CDH13: variants seen among roughly 807,000 people sequenced by gnomAD.
CDH13 encodes the protein cadherin-13.
Under a neutral mutation model 63.8 loss-of-function variants are expected in CDH13, and 24 were observed. The observed-to-expected ratio is 0.38, with a 90% CI of 0.27 to 0.53. The LOEUF is 0.53. CDH13 is among the 20% of genes least tolerant of loss of function. The pLI, the probability that CDH13 is intolerant of heterozygous loss-of-function variation, is 0.85. For missense variants in CDH13, 1,049 were observed against 903.1 expected (o/e 1.16, Z -2.07); for synonymous variants, 503 against 355.3 (o/e 1.42, Z -4.67).
chr16:82,843,876 A>G (rs1337747992), intron 1 of CDH13, among the ~76,000 whole-genome samples: 1 of 152,212 alleles, frequency 6.6e-6, no homozygotes, highest in African/African-American at 2.4e-5. Flanking sequence ...CTCTGTGACT[A>G]TGCACCATCA....
chr16:83,124,810 G>A (rs762536090), intron 3 of CDH13, among the ~76,000 whole-genome samples: 21 of 151,998 alleles, frequency 1.4e-4, no homozygotes, highest in Non-Finnish European at 2.8e-4. Context: ...TATTTTTGCC[G>A]ACTTTCTTGA....
intron 6 of CDH13, among the ~76,000 whole-genome samples, chr16:83,426,051 C>G (rs1166340605): frequency 6.6e-5 from 10 of 152,176 alleles, no homozygotes; most frequent in Admixed American, 5.9e-4. Context: ...ATCCTCCCAA[C>G]TTCTTAACTC....
chr16:83,378,257 A>G (rs2091492587), intron 6 of CDH13, among the ~76,000 whole-genome samples: 1 of 152,174 alleles, frequency 6.6e-6, no homozygotes, highest in Non-Finnish European at 1.5e-5. Flanking sequence ...GAGAATCTTG[A>G]TGCCTTGCCC....
At chr16:83,771,884 C>T (rs1014027511) in intron 11 of CDH13, among the ~76,000 whole-genome samples, 1 of 152,170 alleles carries the variant, frequency 6.6e-6, no homozygotes, top group Non-Finnish European at 1.5e-5. Context: ...AAAATATCTC[C>T]TTACATCCCA....
chr16:82,852,873 T>C (rs557750276), intron 1 of CDH13, among the ~76,000 whole-genome samples: 3 of 152,256 alleles, frequency 2.0e-5, no homozygotes, highest in East Asian at 3.9e-4. Flanking sequence ...ATGCTGCCAG[T>C]TGGCAACCTA....
chr16:83,362,767 A>G (rs1376385829), intron 6 of CDH13, among the ~76,000 whole-genome samples: 1 of 152,168 alleles, frequency 6.6e-6, no homozygotes, highest in Non-Finnish European at 1.5e-5. Context: ...CTCTATGATA[A>G]GGCACTTTTA....
chr16:83,209,077 G>T (rs1314643405), intron 4 of CDH13, among the ~76,000 whole-genome samples: 1 of 152,146 alleles, frequency 6.6e-6, no homozygotes, highest in Non-Finnish European at 1.5e-5. Context: ...CCAAAGAGGA[G>T]ACCTGGAGCC....
Position 83,400,876 on chromosome 16 carries a change from T to A in CDH13, c.781+55870T>A, listed in dbSNP as rs369234342. Among the ~76,000 whole-genome samples the A allele has an allele frequency of 7.2e-5, 11 of 152,260 alleles. 2 individuals are homozygous for A. The highest frequency in any genetic ancestry group is 3.3e-4 in the Admixed American group (5 of 15,308). On this transcript the variant is annotated intron_variant, in intron 6 of 13. Coordinates refer to ENST00000567109, the MANE Select transcript of CDH13 (RefSeq NM_001257.5). ...TTTAAAATTCGGTCCTGTAAGCCAG[T>A]CTGTTAGTATCATTGCTCCTACTAA... is the stretch of plus-strand genomic sequence containing the variant.
At chr16:83,569,540 AT>A (rs1018660883) in intron 7 of CDH13, among the ~76,000 whole-genome samples, 15 of 152,232 alleles carry the variant, frequency 9.9e-5, no homozygotes, top group African/African-American at 3.1e-4. Context: ...ACATTTTTCT[AT>A]TTTTTTCTAA....
At chr16:83,171,672 T>A (rs1039116594) in intron 4 of CDH13, 3 of 932,144 alleles carry the variant, frequency 3.2e-6, no homozygotes, top group African/African-American at 1.6e-5. Context: ...ACACTGCAAA[T>A]AGCATGCTCT....
At chr16:83,488,256 A>T (rs752585566) in intron 7 of CDH13, among the ~76,000 whole-genome samples, 1 of 152,224 alleles carries the variant, frequency 6.6e-6, no homozygotes, top group Non-Finnish European at 1.5e-5. Flanking sequence ...CTGGGCAACA[A>T]TGGCCTAGAC....
intron 7 of CDH13, among the ~76,000 whole-genome samples, chr16:83,512,760 G>A (rs117210749): frequency 0.029 from 4,439 of 152,104 alleles, 102 homozygotes; most frequent in Middle Eastern, 0.041. Flanking sequence ...CAGGGGCACC[G>A]ATCTAGACCA....
chr16:83,491,048 A>G (rs1292112479), intron 7 of CDH13, among the ~76,000 whole-genome samples: 4 of 152,238 alleles, frequency 2.6e-5, no homozygotes, highest in African/African-American at 9.6e-5. Context: ...ATTATCTCAG[A>G]ACATTCTGCA....
At chr16:83,202,288 GC>G (rs1324708486) in intron 4 of CDH13, among the ~76,000 whole-genome samples, 1 of 152,180 alleles carries the variant, frequency 6.6e-6, no homozygotes, top group Admixed American at 6.5e-5. Flanking sequence ...GAAAACGGCT[GC>G]AAAATAGGAT....
chr16:83,245,776 C>A (rs1904929140), intron 5 of CDH13, among the ~76,000 whole-genome samples: 1 of 151,936 alleles, frequency 6.6e-6, no homozygotes, highest in South Asian at 2.1e-4. Flanking sequence ...AGGGTCTCAC[C>A]CTGTCTCCCA....
At chr16:82,717,186 C>CA (rs1262663221) in intron 1 of CDH13, among the ~76,000 whole-genome samples, 1 of 152,094 alleles carries the variant, frequency 6.6e-6, no homozygotes, top group Admixed American at 6.5e-5. Context: ...CCTGGCCCAA[C>CA]AAGGCTCCTG....
intron 5 of CDH13, among the ~76,000 whole-genome samples, chr16:83,270,194 G>A (rs954193319): frequency 6.6e-6 from 1 of 152,080 alleles, no homozygotes; most frequent in Admixed American, 6.5e-5. Context: ...CCCAAAAAGG[G>A]GGCAGCTTGT....
At chr16:83,402,061 T>C (rs2091976771) in intron 6 of CDH13, among the ~76,000 whole-genome samples, 1 of 152,144 alleles carries the variant, frequency 6.6e-6, no homozygotes, top group Admixed American at 6.5e-5. Context: ...CATTGTATAC[T>C]TCCTTGTAGA....
chr16:83,570,971 A>ATATATATATATATATATATAT (rs57205262), intron 7 of CDH13, among the ~76,000 whole-genome samples: 2 of 117,250 alleles, frequency 1.7e-5, no homozygotes, highest in Non-Finnish European at 1.7e-5. Flanking sequence ...ATATATATAT[A>ATATATATATATATATATATAT]AAAACCTTCT....
Sources: allele counts gnomAD v4.1 joint callset (sites outside exome capture counted in the v4.1 genomes callset), GRCh38; gene constraint gnomAD v4.1.1; transcripts MANE v1.5; gene names NCBI Gene and HGNC (gene_info 2026-07-23, HGNC 2026-07-21).